Variants in ARL6 observed in about 807,000 individuals in gnomAD.
The protein encoded by ARL6 is ADP-ribosylation factor-like protein 6.
A neutral mutation model predicts 27.1 loss-of-function variants in ARL6; 18 were observed. The observed-to-expected ratio is 0.66, with a 90% CI of 0.46 to 0.98. ARL6 has a LOEUF of 0.98. Among genes scored for constraint, ARL6 ranks in the 50% least tolerant of loss-of-function variants. The pLI, the probability that ARL6 is intolerant of heterozygous loss-of-function variation, is 0.00. For synonymous variants in ARL6, 65 were observed against 72.3 expected (o/e 0.90, Z 0.51); for missense variants, 187 against 214.9 (o/e 0.87, Z 0.81).
rs576435892 is a variant in ARL6 at position 97,800,524 on chromosome 3, C to G, written c.*2475C>G. 5.9e-5 allele frequency: 9 copies of G among 152,170 alleles called. No individual in the cohort carries two copies. The East Asian group carries it at 1.7e-3, about 29-fold the overall frequency. 9.4% of individuals were successfully genotyped at this position (152,170 alleles called of 1,614,324 possible). A position where few individuals can be genotyped will look rare whatever the true frequency, so the allele number is the denominator to read the frequency against. ...TGTATATGGCCCTATTCAGCCTGTG[C>G]TTTATAAATCACAAAAGAGCTGGGT... On this transcript the variant is annotated 3_prime_UTR_variant, in exon 8 of 8. Transcript: ENST00000463745.
intron 5 of ARL6, 23 bp downstream of exon 5, chr3:97,785,072 G>T: frequency 6.3e-7 from 1 of 1,578,534 alleles, no homozygotes; most frequent in African/African-American, 1.3e-5. Flanking sequence ...CTTTCAGTCT[G>T]TATCTGTTCT....
In ARL6 at chr3:97,798,259, C is replaced by T. The variant is rs776931831; in HGVS notation, c.*210C>T. Reference sequence around the variant, plus strand: ...AACTAAATATTCCCTCAAAAGGGCTCCCTAGAATTATCAAGTTCTTAGTGA... The same window carrying T: ...AACTAAATATTCCCTCAAAAGGGCTTCCTAGAATTATCAAGTTCTTAGTGA... On this transcript the variant is annotated 3_prime_UTR_variant, in exon 8 of 8. Coordinates refer to ENST00000463745, the MANE Select transcript of ARL6 (RefSeq NM_001278293.3). The T allele has an allele frequency of 2.7e-5, 15 of 545,886 alleles. No homozygotes were observed. Among genetic ancestry groups the T allele is most frequent in the Non-Finnish European group, 3.3e-5 (10 of 302,540 alleles). 33.8% of individuals were successfully genotyped at this position (545,886 alleles called of 1,614,324 possible). A position where few individuals can be genotyped will look rare whatever the true frequency, so the allele number is the denominator to read the frequency against.
chr3:97,789,262 C>G (rs1409496384), intron 6 of ARL6, among the ~76,000 whole-genome samples: 1 of 151,972 alleles, frequency 6.6e-6, no homozygotes, highest in East Asian at 1.9e-4. Flanking sequence ...GAATTTGGGT[C>G]CTGTGGTATT....
At chr3:97,776,874 G>T (rs939310851) in intron 2 of ARL6, among the ~76,000 whole-genome samples, 1 of 152,164 alleles carries the variant, frequency 6.6e-6, no homozygotes, top group Non-Finnish European at 1.5e-5. Flanking sequence ...GGCCTGGCTG[G>T]TCTTGAACTC....
At chr3:97,787,919 A>C (rs2037536078) in intron 5 of ARL6, 71 bp from the exon 6 acceptor site, 1 of 1,542,346 alleles carries the variant, frequency 6.5e-7, no homozygotes, top group African/African-American at 1.4e-5. Flanking sequence ...CATGGGTTTC[A>C]GTACTAAAGA....
intron 5 of ARL6, among the ~76,000 whole-genome samples, chr3:97,785,582 T>G (rs1332188806): frequency 1.3e-5 from 2 of 152,060 alleles, no homozygotes; most frequent in Non-Finnish European, 2.9e-5. Flanking sequence ...TCATATTCTT[T>G]ACACTCTTCT....
At chr3:97,774,278 C>T (rs2036782966) in intron 2 of ARL6, among the ~76,000 whole-genome samples, 1 of 152,196 alleles carries the variant, frequency 6.6e-6, no homozygotes. Context: ...AACCTTACCT[C>T]TGGGGCCCCC....
At chr3:97,780,300 C>T (rs974851045) in intron 3 of ARL6, 80 bp downstream of exon 3, 16 of 1,105,020 alleles carry the variant, frequency 1.4e-5, no homozygotes, top group Non-Finnish European at 2.0e-5. Context: ...TCTTCCTACC[C>T]TTAGATAAAG....
At chr3:97,780,031 A>G in intron 2 of ARL6, 128 bp from the exon 3 acceptor site, 1 of 733,520 alleles carries the variant, frequency 1.4e-6, no homozygotes, top group Non-Finnish European at 2.4e-6. Context: ...AAAAAATTAT[A>G]TAACTTTGTT....
intron 6 of ARL6, among the ~76,000 whole-genome samples, chr3:97,790,020 G>C (rs1385688569): frequency 2.0e-5 from 3 of 148,728 alleles, no homozygotes; most frequent in African/African-American, 7.5e-5. Flanking sequence ...TCCTTCAGAT[G>C]CGTTCTTTGA....
intron 7 of ARL6, 72 bp from the exon 8 acceptor site, chr3:97,797,952 G>A (rs539428361): frequency 3.6e-6 from 5 of 1,383,684 alleles, no homozygotes; most frequent in South Asian, 1.2e-5. Flanking sequence ...GTATAGATTT[G>A]ACTTAGATTA....
At position 97,798,759 on chromosome 3, in the gene ARL6, A is replaced by G. The variant is rs2038118644; in HGVS notation, c.*710A>G. 6.6e-6 allele frequency: 1 copy of G among 152,092 alleles called. No individual in the cohort carries two copies. The highest frequency in any genetic ancestry group is 6.6e-5 in the Admixed American group (1 of 15,266). 9.4% of individuals were successfully genotyped at this position (152,092 alleles called of 1,614,324 possible). A position where few individuals can be genotyped will look rare whatever the true frequency, so the allele number is the denominator to read the frequency against. ...TTATCTTCAGAGAACTTAAAATTTA[A>G]TGAGGGATAATTTGAGAACCTTTCC... On this transcript the variant is annotated 3_prime_UTR_variant, in exon 8 of 8. Coordinates refer to ENST00000463745, the MANE Select transcript of ARL6 (RefSeq NM_001278293.3).
chr3:97,788,422 G>A (rs1337625323), intron 6 of ARL6, among the ~76,000 whole-genome samples: 1 of 152,090 alleles, frequency 6.6e-6, no homozygotes, highest in African/African-American at 2.4e-5. Context: ...AGTCAGCCAA[G>A]CACAGTCCCA....
intron 6 of ARL6, chr3:97,791,287 C>T (rs1274496372): frequency 3.2e-5 from 5 of 156,282 alleles, no homozygotes; most frequent in African/African-American, 4.8e-5. Context: ...TGATTGAGAT[C>T]TACCGACTTT....
At chr3:97,788,426 A>T (rs1030745441) in intron 6 of ARL6, among the ~76,000 whole-genome samples, 22 of 152,200 alleles carry the variant, frequency 1.4e-4, no homozygotes, top group African/African-American at 5.3e-4. Flanking sequence ...AGCCAAGCAC[A>T]GTCCCATCTA....
intron 7 of ARL6, among the ~76,000 whole-genome samples, chr3:97,796,600 A>G (rs560181001): frequency 6.6e-6 from 1 of 152,296 alleles, no homozygotes; most frequent in Admixed American, 6.5e-5. Context: ...TTTTCAGTTG[A>G]CAGGCCTCTC....
chr3:97,792,852 G>C (rs555602917), intron 7 of ARL6, among the ~76,000 whole-genome samples: 1 of 152,030 alleles, frequency 6.6e-6, no homozygotes, highest in Non-Finnish European at 1.5e-5. Context: ...TCATTTCTAC[G>C]GGGAATGTCT....
At position 97,800,711 on chromosome 3, in the gene ARL6, A is replaced by G. The variant is rs937698120; in HGVS notation, c.*2662A>G. On this transcript the variant is annotated 3_prime_UTR_variant, in exon 8 of 8. Transcript: ENST00000463745. ...TGTCTTATTCATTTCAGGTTGCTAT[A>G]ACAAAGTACCATAGACTGGGTGGCT... is the stretch of plus-strand genomic sequence containing the variant. The G allele has an allele frequency of 6.6e-6, 1 of 152,168 alleles. No homozygotes were observed. Among genetic ancestry groups the G allele is most frequent in the African/African-American group, 2.4e-5 (1 of 41,444 alleles). The allele number at this position is 152,168 out of a possible 1,614,324, so 9.4% of individuals were successfully genotyped here.
upstream of ARL6, chr3:97,764,587 C>T (rs1403261331): frequency 2.0e-5 from 3 of 152,360 alleles, no homozygotes; most frequent in Non-Finnish European, 2.9e-5. Context: ...CACCCTGCCA[C>T]CTGTGCACAC....
Sources: gnomAD v4.1 joint callset for allele counts (sites outside exome capture counted in the v4.1 genomes callset) on GRCh38, gnomAD v4.1.1 for gene constraint, MANE v1.5 for transcripts, NCBI Gene and HGNC (gene_info 2026-07-23, HGNC 2026-07-21) for gene names.